Variants in ANK3 observed in about 807,000 individuals in gnomAD.
ANK3 encodes the protein ankyrin-3.
In ANK3, 57 loss-of-function variants were observed where a neutral mutation model predicts 370.9. The ratio of observed to expected loss-of-function variants is 0.15; its 90% CI spans 0.12 to 0.19. The LOEUF (loss-of-function observed/expected upper bound fraction) is 0.19. ANK3 is among the 10% of genes least tolerant of loss of function. The probability of loss-of-function intolerance (pLI) is 1.00; values close to 1 mark genes in which losing one functional copy is unlikely to be tolerated. For missense variants in ANK3, 4,439 were observed against 5,302.1 expected (o/e 0.84, Z 5.06); for synonymous variants, 1,929 against 1,946.3 (o/e 0.99, Z 0.23).
intron 1 of ANK3, among the ~76,000 whole-genome samples, chr10:60,656,567 C>T (rs1254318335): frequency 2.0e-5 from 3 of 151,876 alleles, no homozygotes; most frequent in Admixed American, 2.0e-4. Context: ...CTTTGTTTTT[C>T]CTTTTCTAGT....
At chr10:60,638,816 G>C (rs1232325202) in intron 1 of ANK3, among the ~76,000 whole-genome samples, 1 of 151,996 alleles carries the variant, frequency 6.6e-6, no homozygotes, top group Admixed American at 6.6e-5. Flanking sequence ...TTTGAAGACA[G>C]AAATACACAT....
At chr10:60,242,149 C>T (rs1158001321) in intron 7 of ANK3, among the ~76,000 whole-genome samples, 2 of 152,094 alleles carry the variant, frequency 1.3e-5, no homozygotes, top group Non-Finnish European at 2.9e-5. Context: ...TAGTCTCTAA[C>T]CTACTCCTGG....
At chr10:60,467,354 C>T (rs2065034360) in intron 2 of ANK3, among the ~76,000 whole-genome samples, 1 of 152,152 alleles carries the variant, frequency 6.6e-6, no homozygotes, top group Non-Finnish European at 1.5e-5. Context: ...CATACTGCCA[C>T]TCTAGAAGTT....
chr10:60,395,645 TCTC>T (rs1195850746), intron 2 of ANK3, among the ~76,000 whole-genome samples: 4 of 151,064 alleles, frequency 2.6e-5, no homozygotes, highest in Non-Finnish European at 4.4e-5. Context: ...TCTCTCTCTC[TCTC>T]TCTTTCTTTC....
At chr10:60,413,758 G>A (rs2063606176) in intron 2 of ANK3, among the ~76,000 whole-genome samples, 1 of 152,282 alleles carries the variant, frequency 6.6e-6, no homozygotes, top group South Asian at 2.1e-4. Flanking sequence ...ACTTTGAGAG[G>A]CTGAGGCAGG....
At chr10:60,543,021 G>A (rs537894507) in intron 2 of ANK3, among the ~76,000 whole-genome samples, 4 of 151,998 alleles carry the variant, frequency 2.6e-5, no homozygotes, top group Admixed American at 2.6e-4. Flanking sequence ...CTAGTAAAAT[G>A]TCATATTTTA....
chr10:60,386,357 CT>C (rs200851428), intron 1 of ANK3, among the ~76,000 whole-genome samples: 251 of 149,272 alleles, frequency 1.7e-3, no homozygotes, highest in African/African-American at 5.3e-3. Context: ...CTCATTCAAA[CT>C]TTTTTTTTTC....
At chr10:60,160,513 T>C (rs1302138332) in intron 23 of ANK3, among the ~76,000 whole-genome samples, 1 of 151,992 alleles carries the variant, frequency 6.6e-6, no homozygotes, top group African/African-American at 2.4e-5. Context: ...CTTATATTAT[T>C]CCAAAAATTT....
intron 28 of ANK3, among the ~76,000 whole-genome samples, chr10:60,090,109 G>A (rs1564932543): frequency 6.6e-6 from 1 of 152,094 alleles, no homozygotes; most frequent in African/African-American, 2.4e-5. Flanking sequence ...ACGAGGTCAG[G>A]AGTTCAAGAC....
intron 38 of ANK3, among the ~76,000 whole-genome samples, chr10:60,066,479 A>G (rs2081653689): frequency 6.6e-6 from 1 of 152,136 alleles, no homozygotes; most frequent in South Asian, 2.1e-4. Context: ...CCTACAAAAC[A>G]TTATTCAGAC....
At chr10:60,348,369 A>AACAC (rs1555324742) in intron 1 of ANK3, among the ~76,000 whole-genome samples, 23 of 128,052 alleles carry the variant, frequency 1.8e-4, no homozygotes, top group Middle Eastern at 4.7e-3. Flanking sequence ...AAAAAAAAAA[A>AACAC]ACACAAAAAA....
intron 35 of ANK3, chr10:60,081,702 G>C (rs1444703301): frequency 6.8e-6 from 2 of 294,374 alleles, no homozygotes; most frequent in Admixed American, 4.4e-5. Flanking sequence ...ATAGTTGATA[G>C]TAAAATAGGC....
chr10:60,313,731 A>G (rs1437797805), intron 1 of ANK3, among the ~76,000 whole-genome samples: 1 of 152,212 alleles, frequency 6.6e-6, no homozygotes, highest in Non-Finnish European at 1.5e-5. Flanking sequence ...AGCAAAAACA[A>G]AAAGTCCCAA....
In ANK3 at chr10:60,071,053, T is replaced by C. The variant is rs760894969; in HGVS notation, c.9828A>G (p.Glu3276=). The C allele has an allele frequency of 2.3e-5, 37 of 1,614,182 alleles. No individual in the cohort carries two copies. The highest frequency in any genetic ancestry group is 2.6e-5 in the Non-Finnish European group (31 of 1,180,016). Reference sequence around the variant, plus strand: ...TGACTTCAATCATGTCAACCTCTTTTTCTGGGAGATAATGATGCTTCTTAT... The same window carrying C: ...TGACTTCAATCATGTCAACCTCTTTCTCTGGGAGATAATGATGCTTCTTAT... ...ESDKKHHYLP[E]KEVDMIEVNL... is the part of the protein sequence containing the mutation. The change falls in exon 37 of 44, where the codon GAA becomes GAG. Residue 3276 remains glutamate, a synonymous_variant. Transcript: ENST00000280772.
intron 2 of ANK3, among the ~76,000 whole-genome samples, chr10:60,529,930 A>C (rs1176130718): frequency 6.6e-6 from 1 of 152,178 alleles, no homozygotes; most frequent in Non-Finnish European, 1.5e-5. Context: ...TGTGGGAAGG[A>C]GGGAATTCTC....
intron 2 of ANK3, among the ~76,000 whole-genome samples, chr10:60,484,073 A>G (rs2075290857): frequency 6.6e-6 from 1 of 152,230 alleles, no homozygotes; most frequent in Non-Finnish European, 1.5e-5. Flanking sequence ...ATCCTAAATG[A>G]AGATAAGCAA....
At chr10:60,105,533 A>G (rs995079583) in intron 28 of ANK3, among the ~76,000 whole-genome samples, 4 of 152,202 alleles carry the variant, frequency 2.6e-5, no homozygotes, top group African/African-American at 9.7e-5. Context: ...TCCAGAAATA[A>G]TTCCAAAAAT....
At chr10:60,300,301 G>A (rs1431099047) in intron 1 of ANK3, 19 of 1,218,852 alleles carry the variant, frequency 1.6e-5, no homozygotes, top group African/African-American at 3.1e-5. Context: ...ATTTCATTTA[G>A]GAGCTGTAAA....
intron 1 of ANK3, among the ~76,000 whole-genome samples, chr10:60,363,587 T>G (rs750962397): frequency 6.6e-6 from 1 of 152,214 alleles, no homozygotes; most frequent in Non-Finnish European, 1.5e-5. Context: ...TGGCTAAGTG[T>G]ACAGGGCAAC....
Sources: allele counts gnomAD v4.1 joint callset (sites outside exome capture counted in the v4.1 genomes callset), GRCh38; gene constraint gnomAD v4.1.1; transcripts MANE v1.5; gene names NCBI Gene and HGNC (gene_info 2026-07-23, HGNC 2026-07-21).